Variants in CSMD2 observed in about 807,000 individuals in gnomAD.
The protein encoded by CSMD2 is CUB and sushi domain-containing protein 2.
CSMD2 carries 130 observed loss-of-function variants against 398.5 expected under a neutral mutation model. That is an observed-to-expected ratio of 0.33 (90% CI 0.28 to 0.38). The LOEUF is 0.38. Ranked by LOEUF, CSMD2 falls within the 10% of genes least tolerant of loss-of-function variation. The pLI is 1.00. For synonymous variants in CSMD2, 1,828 were observed against 1,908.5 expected, an observed-to-expected ratio of 0.96 and a Z score of 1.10; for missense variants, 3,829 against 4,764.9, an observed-to-expected ratio of 0.80 and a Z score of 5.78.
intron 1 of CSMD2, among the ~76,000 whole-genome samples, chr1:34,123,525 G>GA (rs1426581148): frequency 7.3e-6 from 1 of 137,144 alleles, no homozygotes; most frequent in African/African-American, 2.7e-5. Flanking sequence ...AACTTAAAGG[G>GA]GGGGGGTTGT....
At chr1:33,698,469 G>A (rs1040662328) in intron 24 of CSMD2, among the ~76,000 whole-genome samples, 4 of 152,142 alleles carry the variant, frequency 2.6e-5, no homozygotes, top group African/African-American at 4.8e-5. Flanking sequence ...TATCACCCGC[G>A]TTACAATTTT....
chr1:33,533,741 T>G lies in CSMD2; in HGVS notation c.9991+55A>C, dbSNP rs575743722. 68 of 1,158,832 alleles carry G rather than the reference T, an allele frequency of 5.9e-5. No homozygotes were observed. In the African/African-American group the frequency reaches 1.0e-3, roughly 17 times the overall value. The allele number at this position is 1,158,832 out of a possible 1,614,324, so 71.8% of individuals were successfully genotyped here. A position where few individuals can be genotyped will look rare whatever the true frequency, so the allele number is the denominator to read the frequency against. On this transcript the variant is annotated intron_variant, in intron 63 of 70. Transcript: ENST00000373381. This position sits in a 1 kb window ranked among gnomAD's most constrained non-coding sequence, Gnocchi z 4.2. The stretch of plus-strand genomic sequence containing the variant: ...TCAGAGCATTCAAACATGACCCAGA[T>G]GCCCAGCTGGGGCAAGAGGAATTTT...
intron 53 of CSMD2, among the ~76,000 whole-genome samples, chr1:33,565,951 T>C (rs946096257): frequency 6.6e-6 from 1 of 151,914 alleles, no homozygotes; most frequent in African/African-American, 2.4e-5. Context: ...TATTCTCAAA[T>C]GATAATTTAA....
chr1:33,946,170 G>A (rs1644831518), intron 3 of CSMD2, among the ~76,000 whole-genome samples: 1 of 152,190 alleles, frequency 6.6e-6, no homozygotes, highest in Non-Finnish European at 1.5e-5. Flanking sequence ...GCTTAATCCA[G>A]AATTTCCAAA....
chr1:34,062,313 A>G (rs1160060823), intron 2 of CSMD2, among the ~76,000 whole-genome samples: 5 of 152,216 alleles, frequency 3.3e-5, no homozygotes, highest in African/African-American at 1.2e-4. Context: ...TAAGCCTTCA[A>G]CTATTTTTAT....
In CSMD2 at chr1:33,636,577, C is replaced by T. The variant is rs761054530; in HGVS notation, c.4775-23G>A. ...TTTCTGGGAAAAAGAAATACAAACACGTGCACACACACAGAGGGCTCATGA... is the reference window on the plus strand; with the variant it reads ...TTTCTGGGAAAAAGAAATACAAACATGTGCACACACACAGAGGGCTCATGA... On this transcript the variant is annotated intron_variant, in intron 29 of 70. Coordinates refer to ENST00000373381, the MANE Select transcript of CSMD2 (RefSeq NM_001281956.2). The surrounding 1 kb of genome is among the most constrained non-coding windows in gnomAD (Gnocchi z 4.8). The T allele has an allele frequency of 1.2e-5, 19 of 1,606,208 alleles. No homozygotes were observed. The highest frequency in any genetic ancestry group is 1.0e-4 in the Admixed American group (6 of 59,834).
At position 33,533,170 on chromosome 1, in the gene CSMD2, G is replaced by T. The variant is rs757283945; in HGVS notation, c.10051C>A (p.Pro3351Thr). 6 of 1,613,962 alleles carry T rather than the reference G, an allele frequency of 3.7e-6. No individual in the cohort carries two copies. The highest frequency in any genetic ancestry group is 1.7e-5 in the Admixed American group (1 of 59,996). The part of the protein sequence containing the change: ...THANVGALDL[P>T]SMGYTLIYSC... ...TAGATGAGCGTGTAGCCCATGGAGG[G>T]CAAATCCAGGGCCCCGACGTTGGCA... The change falls in exon 64 of 71, where the codon CCC becomes ACC. Residue 3351 changes from proline (P) to threonine (T), a missense_variant. By Grantham distance (38) the Pro-to-Thr change is conservative (BLOSUM62 -1). Around this residue, in one of 5 missense-constraint regions of CSMD2, gnomAD observed 917 missense variants for 1,199.5 expected, o/e 0.76. Transcript: ENST00000373381. The surrounding 1 kb of genome is among the most constrained non-coding windows in gnomAD (Gnocchi z 4.2).
At chr1:33,580,088 T>G (rs1448819870) in intron 48 of CSMD2, among the ~76,000 whole-genome samples, 1 of 151,874 alleles carries the variant, frequency 6.6e-6, no homozygotes, top group Admixed American at 6.5e-5. Flanking sequence ...GAACCCCCCA[T>G]GGTCTTAAGT....
intron 1 of CSMD2, among the ~76,000 whole-genome samples, chr1:34,125,385 C>T (rs551421763): frequency 6.6e-6 from 1 of 152,202 alleles, no homozygotes; most frequent in Non-Finnish European, 1.5e-5. Flanking sequence ...GGAAACTTGC[C>T]CTGCCATCAG....
chr1:34,140,293 C>CAAAAAAAAAAA (rs6143187), intron 1 of CSMD2, among the ~76,000 whole-genome samples: 2 of 138,720 alleles, frequency 1.4e-5, no homozygotes, highest in African/African-American at 2.6e-5. Flanking sequence ...TCGGCATATG[C>CAAAAAAAAAAA]AAAAAAACAA....
chr1:33,990,047 G>T (rs1646496763), intron 3 of CSMD2, among the ~76,000 whole-genome samples: 1 of 152,050 alleles, frequency 6.6e-6, no homozygotes, highest in Non-Finnish European at 1.5e-5. Flanking sequence ...GAGGCTGGCA[G>T]ATCACCTGAG....
intron 6 of CSMD2, among the ~76,000 whole-genome samples, chr1:33,832,458 C>A (rs1333643292): frequency 4.2e-5 from 6 of 143,186 alleles, no homozygotes; most frequent in African/African-American, 1.6e-4. Context: ...CCAAGGAGAA[C>A]AAAGACACAA....
At chr1:33,767,130 G>C (rs1421590484) in intron 13 of CSMD2, among the ~76,000 whole-genome samples, 1 of 152,150 alleles carries the variant, frequency 6.6e-6, no homozygotes, top group East Asian at 1.9e-4. Context: ...CTTGACAGAA[G>C]AACCCACAGA....
chr1:33,780,323 T>G (rs796168854), intron 12 of CSMD2, among the ~76,000 whole-genome samples: 55 of 152,318 alleles, frequency 3.6e-4, no homozygotes, highest in African/African-American at 1.3e-3. Context: ...CACCCCACTC[T>G]GCTTTTCTAC....
intron 25 of CSMD2, among the ~76,000 whole-genome samples, chr1:33,670,120 C>T (rs1644444706): frequency 6.6e-6 from 1 of 152,224 alleles, no homozygotes; most frequent in Admixed American, 6.5e-5. Flanking sequence ...AGGTGCCTCA[C>T]ATCCAGTGGG....
intron 10 of CSMD2, among the ~76,000 whole-genome samples, chr1:33,803,776 C>T (rs1655894912): frequency 2.0e-5 from 3 of 152,130 alleles, no homozygotes; most frequent in Admixed American, 6.5e-5. Flanking sequence ...TTCCAGTATC[C>T]ACCTCTAAAC....
intron 33 of CSMD2, among the ~76,000 whole-genome samples, chr1:33,625,530 C>A (rs774907494): frequency 6.6e-6 from 1 of 152,198 alleles, no homozygotes; most frequent in Admixed American, 6.5e-5. Context: ...TCTTTGCTTT[C>A]CCAACGACGC....
At chr1:33,950,383 C>CAGAGAGAGAGAGAGAGAGAGAGAG (rs3045848) in intron 3 of CSMD2, among the ~76,000 whole-genome samples, 14 of 133,816 alleles carry the variant, frequency 1.0e-4, no homozygotes, top group African/African-American at 3.8e-4. Context: ...TCTCCTCCAG[C>CAGAGAGAGAGAGAGAGAGAGAGAG]AGAGAGAGAG....
chr1:33,819,979 A>C, intron 8 of CSMD2, 142 bp from the exon 9 acceptor site: 1 of 1,054,172 alleles, frequency 9.5e-7, no homozygotes, highest in Admixed American at 2.8e-5. Flanking sequence ...TATCACTAAA[A>C]ATCTCCATTG....
Sources: gnomAD v4.1 joint callset for allele counts (sites outside exome capture counted in the v4.1 genomes callset) on GRCh38, gnomAD v4.1.1 for gene constraint, gnomAD v4.1.1 regional missense constraint, Gnocchi (gnomAD v3.1) non-coding constraint, MANE v1.5 for transcripts, NCBI Gene and HGNC (gene_info 2026-07-23, HGNC 2026-07-21) for gene names.